IGLL5: variants seen among roughly 807,000 people sequenced by gnomAD.
IGLL5 encodes immunoglobulin lambda like polypeptide 5, also known as immunoglobulin lambda-like polypeptide 5.
IGLL5 carries 30 observed loss-of-function variants against 20.9 expected under a neutral mutation model. The observed-to-expected ratio is 1.44, with a 90% CI of 1.07 to 1.95. IGLL5 has a LOEUF of 1.95. Among genes scored for constraint, IGLL5 ranks in the 30% most tolerant of loss-of-function variants. The pLI is 0.00. For synonymous variants in IGLL5, 203 were observed against 117.3 expected (o/e 1.73, Z -4.72); for missense variants, 475 against 270.7 (o/e 1.75, Z -5.30).
At chr22:22,890,553 T>TTGTGTGTGTG (rs3029157) in intron 1 of IGLL5, among the ~76,000 whole-genome samples, 26 of 120,928 alleles carry the variant, frequency 2.2e-4, no homozygotes, top group African/African-American at 4.3e-4. Context: ...CAGTGGAAAT[T>TTGTGTGTGTG]TGTGTGTGTG....
chr22:22,889,488 C>T lies in IGLL5; in HGVS notation c.206+1229C>T, dbSNP rs2067725050. 2.0e-5 allele frequency among the ~76,000 whole-genome samples: 3 copies of T among 151,246 alleles called. 1 individual carries two copies. Among genetic ancestry groups the T allele is most frequent in the East Asian group, 4.0e-4 (2 of 4,958 alleles). ...CAAAGCTGTAACCAAATCTTTATAACAAGGGTGGTTAGCTCAGCATTATTA... is the reference window on the plus strand; with the variant it reads ...CAAAGCTGTAACCAAATCTTTATAATAAGGGTGGTTAGCTCAGCATTATTA... On this transcript the variant is annotated intron_variant, in intron 1 of 2. Coordinates refer to ENST00000526893, the MANE Select transcript of IGLL5 (RefSeq NM_001178126.2).
intron 2 of IGLL5, among the ~76,000 whole-genome samples, chr22:22,895,059 C>G (rs2066719430): frequency 6.6e-6 from 1 of 151,290 alleles, no homozygotes. Context: ...AGGCCAGATT[C>G]TAAACTCAGA....
In IGLL5 at chr22:22,891,018, T is replaced by C. The variant is rs139828316; in HGVS notation, c.207-2682T>C. Among the ~76,000 whole-genome samples the C allele has an allele frequency of 1.6e-3, 248 of 151,250 alleles. 1 individual carries two copies. The highest frequency in any genetic ancestry group is 5.7e-3 in the African/African-American group (237 of 41,262). The stretch of plus-strand genomic sequence containing the variant: ...TTTAACCACTTGTTTAGTGTATGTA[T>C]TGTAAATATTTTTCCCTGGTCTGTT... On this transcript the variant is annotated intron_variant, in intron 1 of 2. Coordinates refer to ENST00000526893, the MANE Select transcript of IGLL5 (RefSeq NM_001178126.2).
rs1462513692 is a variant in IGLL5 at position 22,888,159 on chromosome 22, C to T, written c.106C>T (p.His36Tyr). The T allele has an allele frequency of 1.7e-5, 27 of 1,549,236 alleles. No individual in the cohort carries two copies. The highest frequency in any genetic ancestry group is 7.9e-5 in the Admixed American group (4 of 50,804). ...LLLLGLAMVAHGLLRPMVAPQ... is the reference protein window; with the variant it reads ...LLLLGLAMVAYGLLRPMVAPQ... Reference sequence around the variant, plus strand: ...GCTGCTGGGTCTGGCCATGGTCGCCCATGGCCTGCTGCGCCCAATGGTTGC... The same window carrying T: ...GCTGCTGGGTCTGGCCATGGTCGCCTATGGCCTGCTGCGCCCAATGGTTGC... Residue 36 changes from histidine to tyrosine, a missense_variant, in exon 1 of 3, where the codon CAT (histidine) becomes TAT (tyrosine). Transcript: ENST00000526893.
intron 2 of IGLL5, 30 bp downstream of exon 2, chr22:22,893,848 T>A (rs761363828): frequency 2.1e-6 from 3 of 1,399,636 alleles, no homozygotes; most frequent in African/African-American, 2.8e-5. Context: ...TCCCAGCCTG[T>A]CTCACCCTCT....
At chr22:22,893,595 C>G in intron 1 of IGLL5, 105 bp from the exon 2 acceptor site, 1 of 658,898 alleles carries the variant, frequency 1.5e-6, no homozygotes, top group Non-Finnish European at 2.6e-6. Flanking sequence ...TTGCCTTGGA[C>G]AGCAGACAGG....
At chr22:22,894,560 T>A (rs549188590) in intron 2 of IGLL5, among the ~76,000 whole-genome samples, 2 of 151,460 alleles carry the variant, frequency 1.3e-5, no homozygotes, top group East Asian at 4.0e-4. Context: ...ATCGGCCTCC[T>A]GCCTTCCTCA....
Position 22,893,800 on chromosome 22 carries a change from A to C in IGLL5, c.307A>C (p.Thr103Pro), listed in dbSNP as rs576275392. The change falls in exon 2 of 3, where the codon ACC becomes CCC. Residue 103 changes from threonine (T) to proline (P), a missense_variant. Physicochemically the swap from Thr to Pro is conservative, Grantham distance 38 (BLOSUM62 -1). Transcript: ENST00000526893. ...QSLCYVFGTG[T>P]KVTVLGQPKA... ...ACTGTGTTATGTCTTCGGAACTGGG[A>C]CCAAGGTCACCGTCCTAGGTAAGTG... 1.9e-6 allele frequency: 3 copies of C among 1,610,800 alleles called. No homozygotes were observed. Among genetic ancestry groups the C allele is most frequent in the Non-Finnish European group, 2.5e-6 (3 of 1,177,872 alleles).
At chr22:22,889,640 T>G (rs531499366) in intron 1 of IGLL5, among the ~76,000 whole-genome samples, 2 of 151,324 alleles carry the variant, frequency 1.3e-5, no homozygotes, top group South Asian at 2.1e-4. Context: ...CAGGCTGGAG[T>G]ACAGTGGCGT....
At chr22:22,894,642 G>T (rs1348665527) in intron 2 of IGLL5, among the ~76,000 whole-genome samples, 1 of 151,074 alleles carries the variant, frequency 6.6e-6, no homozygotes, top group Admixed American at 6.6e-5. Context: ...ATGGCTACCA[G>T]GTGAAGTTTG....
chr22:22,893,848 T>G (rs761363828), intron 2 of IGLL5, 30 bp downstream of exon 2: 2 of 1,399,634 alleles, frequency 1.4e-6, no homozygotes, highest in African/African-American at 1.4e-5. Context: ...TCCCAGCCTG[T>G]CTCACCCTCT....
In IGLL5 at chr22:22,888,001, C is replaced by A. The variant is rs2067556698; in HGVS notation, c.-53C>A. The A allele has an allele frequency of 2.8e-6, 4 of 1,431,928 alleles. No homozygotes were observed. Among genetic ancestry groups the A allele is most frequent in the Admixed American group, 2.0e-5 (1 of 50,644 alleles). The allele number at this position is 1,431,928 out of a possible 1,614,324, so 88.7% of individuals were successfully genotyped here. On this transcript the variant is annotated 5_prime_UTR_variant, in exon 1 of 3. Coordinates refer to ENST00000526893, the MANE Select transcript of IGLL5 (RefSeq NM_001178126.2). ...CGAGAGGGACCAGGGCACCGTCCTC[C>A]AGGGAGCCCATGCTGCAAGTCGGGC...
At position 22,888,071 on chromosome 22, in the gene IGLL5, C is replaced by G. The variant is rs535193096; in HGVS notation, c.18C>G (p.Gly6=). Residue 6 remains glycine, a synonymous_variant, in exon 1 of 3, where the codon GGC becomes GGG. Coordinates refer to ENST00000526893, the MANE Select transcript of IGLL5 (RefSeq NM_001178126.2). ...GAAGGCCAATGAGACCCAAGACAGG[C>G]CAAGTGGGTTGTGAGACCCCTGAGG... MRPKT[G]QVGCETPEEL... The G allele has an allele frequency of 6.5e-7, 1 of 1,549,132 alleles. No individual in the cohort carries two copies. The highest frequency in any genetic ancestry group is 2.5e-5 in the East Asian group (1 of 40,652).
At chr22:22,894,096 A>G (rs1601623488) in intron 2 of IGLL5, among the ~76,000 whole-genome samples, 4 of 151,384 alleles carry the variant, frequency 2.6e-5, no homozygotes, top group East Asian at 4.0e-4. Flanking sequence ...TGTCTGAGTG[A>G]GGGACAGAGG....
intron 2 of IGLL5, among the ~76,000 whole-genome samples, chr22:22,894,755 T>A (rs2066693631): frequency 6.6e-6 from 1 of 151,208 alleles, no homozygotes; most frequent in African/African-American, 2.4e-5. Flanking sequence ...GTGGTCGGGC[T>A]TGTGGAGACA....
At chr22:22,895,048 A>C (rs2066719110) in intron 2 of IGLL5, among the ~76,000 whole-genome samples, 1 of 151,332 alleles carries the variant, frequency 6.6e-6, no homozygotes, top group African/African-American at 2.4e-5. Flanking sequence ...TCCAGGGGTC[A>C]AGGCCAGATT....
chr22:22,889,339 A>T (rs1265987845), intron 1 of IGLL5, among the ~76,000 whole-genome samples: 2 of 151,080 alleles, frequency 1.3e-5, no homozygotes, highest in Admixed American at 6.6e-5. Context: ...GGGACTGTCT[A>T]TGGGCATTAA....
intron 1 of IGLL5, among the ~76,000 whole-genome samples, chr22:22,889,539 C>T (rs2067730895): frequency 6.6e-6 from 1 of 151,236 alleles, no homozygotes; most frequent in Admixed American, 6.6e-5. Flanking sequence ...TGGAAAAAAT[C>T]CAAATATCTA....
chr22:22,891,676 C>T (rs1263594740), intron 1 of IGLL5, among the ~76,000 whole-genome samples: 1 of 151,284 alleles, frequency 6.6e-6, no homozygotes, highest in Non-Finnish European at 1.5e-5. Flanking sequence ...TCCATTCACT[C>T]AGATAAGTGG....
Sources: allele counts gnomAD v4.1 joint callset (sites outside exome capture counted in the v4.1 genomes callset), GRCh38; gene constraint gnomAD v4.1.1; transcripts MANE v1.5; gene names NCBI Gene and HGNC (gene_info 2026-07-23, HGNC 2026-07-21).